The following PCDHGB1 variants were observed in gnomAD, a reference collection of about 807,000 sequenced individuals.
PCDHGB1 encodes protocadherin gamma-B1.
In PCDHGB1, 34 loss-of-function variants were observed where a neutral mutation model predicts 56.6. That is an observed-to-expected ratio of 0.60 (90% confidence interval 0.46 to 0.80). The LOEUF (loss-of-function observed/expected upper bound fraction) is 0.80, where lower values mean the gene tolerates loss of function less well. PCDHGB1 is among the 30% of genes least tolerant of loss of function. The pLI is 0.00. For synonymous variants in PCDHGB1, 561 were observed against 505.9 expected, an observed-to-expected ratio of 1.11 and a Z score of -1.46; for missense variants, 1,278 against 1,204.6, an observed-to-expected ratio of 1.06 and a Z score of -0.90.
intron 1 of PCDHGB1, chr5:141,389,833 C>T (rs1561628239): frequency 6.2e-7 from 1 of 1,613,996 alleles, no homozygotes; most frequent in East Asian, 2.2e-5. Flanking sequence ...GGTGGACAGC[C>T]ACCACTCTCG....
chr5:141,413,981 C>T (rs563161887), intron 1 of PCDHGB1: 52 of 1,613,334 alleles, frequency 3.2e-5, no homozygotes, highest in African/African-American at 5.3e-5. Context: ...CTGACAGTCA[C>T]AGCCACCGAC....
intron 1 of PCDHGB1, chr5:141,404,926 C>CA (rs765817542): frequency 1.2e-6 from 2 of 1,613,884 alleles, no homozygotes; most frequent in Non-Finnish European, 1.7e-6. Context: ...CGGCCACTGT[C>CA]ACGCTCACAG....
chr5:141,470,708 A>T (rs1293545270), intron 1 of PCDHGB1, among the ~76,000 whole-genome samples: 1 of 151,804 alleles, frequency 6.6e-6, no homozygotes. Flanking sequence ...TTTTTATTTT[A>T]TTTTTTTGAG....
chr5:141,450,842 T>TTTTA (rs1387012749), intron 1 of PCDHGB1, among the ~76,000 whole-genome samples: 1 of 148,196 alleles, frequency 6.7e-6, no homozygotes, highest in African/African-American at 2.5e-5. Context: ...TTTTTTTTTT[T>TTTTA]GAGATGGGGT....
rs2095943632 is a variant in PCDHGB1 at position 141,415,767 on chromosome 5, TTTTTTACTTTC to T, written c.2409+63100_2409+63110del. ...TTTTTTTTTTTTTTTTTTTTTTTTT[TTTTTTACTTTC>T]TGGTAAAATTCACCTAGTCTCAATC... is the stretch of plus-strand genomic sequence containing the variant. On this transcript the variant is annotated intron_variant, in intron 1 of 3. Transcript: ENST00000523390. 3.1e-6 allele frequency: 4 copies of T among 1,300,754 alleles called. No individual in the cohort carries two copies. The Admixed American group carries it at 1.4e-4, about 46-fold the overall frequency. The allele number at this position is 1,300,754 out of a possible 1,614,324, so 80.6% of individuals were successfully genotyped here.
chr5:141,361,065 G>C (rs1438252937), intron 1 of PCDHGB1: 1 of 1,613,774 alleles, frequency 6.2e-7, no homozygotes, highest in East Asian at 2.2e-5. Context: ...TGGATTTTGA[G>C]ATTGCAAGTA....
rs778198822 is a variant in PCDHGB1, at chr5:141,432,802, A to C, written c.2410-62005A>C. 6.2e-7 allele frequency: 1 copy of C among 1,614,082 alleles called. No homozygotes were observed. The highest frequency in any genetic ancestry group is 1.1e-5 in the South Asian group (1 of 91,076). The stretch of plus-strand genomic sequence containing the variant: ...CGGACCTCGGCAGCCTCGAGTCTCC[A>C]GCTAACTCTGAAACCTCAGACCTCA... On this transcript the variant is annotated intron_variant, in intron 1 of 3. Transcript: ENST00000523390. This position sits in a 1 kb window ranked among gnomAD's most constrained non-coding sequence, Gnocchi z 6.0.
intron 1 of PCDHGB1, chr5:141,415,608 T>C (rs1391331847): frequency 6.2e-7 from 1 of 1,613,366 alleles, no homozygotes; most frequent in Non-Finnish European, 8.5e-7. Flanking sequence ...CCCCATTGGT[T>C]CCAGTGAGTT....
At chr5:141,419,146 G>A in intron 1 of PCDHGB1, 1 of 1,613,922 alleles carries the variant, frequency 6.2e-7, no homozygotes, top group Non-Finnish European at 8.5e-7. Context: ...ACAGGGGCAA[G>A]CCTCCGTTAT....
At chr5:141,385,891 T>C (rs1366389515) in intron 1 of PCDHGB1, 2 of 152,892 alleles carry the variant, frequency 1.3e-5, no homozygotes, top group African/African-American at 4.8e-5. Flanking sequence ...AAGAATGAAA[T>C]GTGTGTGTAT....
intron 1 of PCDHGB1, chr5:141,390,142 G>A (rs2092062384): frequency 6.2e-6 from 10 of 1,614,022 alleles, no homozygotes; most frequent in Non-Finnish European, 8.5e-6. Flanking sequence ...TACAATCTAT[G>A]TGTTGCACAT....
intron 1 of PCDHGB1, chr5:141,392,856 CT>C: frequency 1.9e-6 from 3 of 1,612,366 alleles, no homozygotes; most frequent in Non-Finnish European, 2.5e-6. Flanking sequence ...CGAGCTGATC[CT>C]GCTGTGCGCG....
intron 1 of PCDHGB1, chr5:141,415,481 A>G: frequency 1.9e-6 from 3 of 1,614,114 alleles, no homozygotes; most frequent in Non-Finnish European, 1.7e-6. Flanking sequence ...GACTCGCGAA[A>G]GAGTCACCTG....
intron 1 of PCDHGB1, chr5:141,440,921 G>C (rs1213425379): frequency 6.6e-6 from 1 of 152,260 alleles, no homozygotes; most frequent in Non-Finnish European, 1.5e-5. Context: ...TGTGCTGAGA[G>C]TGAGGGCCAC....
At chr5:141,362,410 C>G (rs374650665) in intron 1 of PCDHGB1, 14 of 1,613,916 alleles carry the variant, frequency 8.7e-6, no homozygotes, top group Non-Finnish European at 1.2e-5. Flanking sequence ...TGTTGCCTCA[C>G]AATCAGCCAA....
intron 1 of PCDHGB1, chr5:141,423,750 TGGGGGG>T: frequency 3.5e-6 from 1 of 287,482 alleles, no homozygotes; most frequent in Non-Finnish European, 4.5e-6. Flanking sequence ...GAAAACTGTT[TGGGGGG>T]GGGGTGGGGC....
intron 1 of PCDHGB1, chr5:141,392,696 T>A: frequency 8.2e-7 from 1 of 1,212,692 alleles, no homozygotes. Flanking sequence ...ACCCGACCCC[T>A]GTTTGGAGGC....
At chr5:141,386,155 C>T (rs763846568) in intron 1 of PCDHGB1, among the ~76,000 whole-genome samples, 3 of 152,278 alleles carry the variant, frequency 2.0e-5, no homozygotes, top group South Asian at 2.1e-4. Flanking sequence ...AACTGTCTCA[C>T]GTACTCAAAC....
At chr5:141,361,650 G>T in intron 1 of PCDHGB1, 1 of 1,613,772 alleles carries the variant, frequency 6.2e-7, no homozygotes, top group Non-Finnish European at 8.5e-7. Context: ...TATCCTACGT[G>T]TCCGTGAGCG....
Sources: allele counts gnomAD v4.1 joint callset (sites outside exome capture counted in the v4.1 genomes callset), GRCh38; gene constraint gnomAD v4.1.1; non-coding constraint Gnocchi (gnomAD v3.1); transcripts MANE v1.5; gene names NCBI Gene and HGNC (gene_info 2026-07-23, HGNC 2026-07-21).